PTPRT: variants seen among roughly 807,000 people sequenced by gnomAD.
PTPRT encodes the protein protein tyrosine phosphatase receptor type T, also known as receptor-type tyrosine-protein phosphatase T.
PTPRT carries 56 observed loss-of-function variants against 176.8 expected under a neutral mutation model. The observed-to-expected ratio is 0.32, with a 90% CI of 0.26 to 0.40. PTPRT has a LOEUF of 0.40. PTPRT is among the 10% of genes least tolerant of loss of function. The probability of loss-of-function intolerance (pLI) is 1.00; values close to 1 mark genes in which losing one functional copy is unlikely to be tolerated. For synonymous variants in PTPRT, 783 were observed against 739.0 expected (o/e 1.06, Z -0.96); for missense variants, 1,540 against 1,908.2 (o/e 0.81, Z 3.60).
intron 6 of PTPRT, among the ~76,000 whole-genome samples, chr20:42,743,322 C>T (rs1472030563): frequency 2.0e-5 from 3 of 152,152 alleles, no homozygotes; most frequent in Non-Finnish European, 4.4e-5. Context: ...TCCTAGCCTC[C>T]TTTTCTACCA....
chr20:42,640,056 G>T (rs2074705597), intron 7 of PTPRT, among the ~76,000 whole-genome samples: 1 of 152,034 alleles, frequency 6.6e-6, no homozygotes. Flanking sequence ...CTACACAGAT[G>T]GAGTTCATTC....
At chr20:42,628,803 C>T (rs2074346264) in intron 7 of PTPRT, among the ~76,000 whole-genome samples, 1 of 152,080 alleles carries the variant, frequency 6.6e-6, no homozygotes. Flanking sequence ...CATATCCATG[C>T]CCATTTGTTT....
At chr20:42,645,202 G>A (rs1348748603) in intron 7 of PTPRT, among the ~76,000 whole-genome samples, 1 of 152,152 alleles carries the variant, frequency 6.6e-6, no homozygotes, top group Non-Finnish European at 1.5e-5. Context: ...GCAGCCTGGA[G>A]GTCACAGGCA....
At chr20:42,207,062 C>T (rs1300822713) in intron 15 of PTPRT, among the ~76,000 whole-genome samples, 1 of 152,130 alleles carries the variant, frequency 6.6e-6, no homozygotes, top group Non-Finnish European at 1.5e-5. Flanking sequence ...GGTATTCCAA[C>T]AGACCTGCAG....
chr20:42,790,551 T>TTGTCCCTGCAGGCTGATCTCCC (rs1397612676), intron 3 of PTPRT, among the ~76,000 whole-genome samples: 2 of 152,208 alleles, frequency 1.3e-5, no homozygotes, highest in Non-Finnish European at 2.9e-5. Context: ...CATGATCTGC[T>TTGTCCCTGCAGGCTGATCTCCC]TGTCCCTGCA....
chr20:42,772,289 C>G (rs2077074149), intron 4 of PTPRT, among the ~76,000 whole-genome samples: 1 of 152,160 alleles, frequency 6.6e-6, no homozygotes, highest in Non-Finnish European at 1.5e-5. Context: ...GTTATTTTCT[C>G]TATTACACAG....
chr20:43,083,321 T>TGTATATATATATATATATGTATATAC lies in PTPRT; in HGVS notation c.88+106324_88+106325insGTATATACATATATATATATATATAC, dbSNP rs1491174501. Among the ~76,000 whole-genome samples the TGTATATATATATATATATGTATATAC allele has an allele frequency of 3.7e-3, 42 of 11,422 alleles. 5 individuals are homozygous for TGTATATATATATATATATGTATATAC. Among genetic ancestry groups the TGTATATATATATATATATGTATATAC allele is most frequent in the Non-Finnish European group, 4.9e-3 (32 of 6,518 alleles). The allele number at this position is 11,422 out of a possible 152,430, so 7.5% of individuals were successfully genotyped here. Reference sequence around the variant, plus strand: ...CCATAAGATTCACCCACTTCAAATGTATATATATATATATATATATATATA... The same window carrying TGTATATATATATATATATGTATATAC: ...CCATAAGATTCACCCACTTCAAATGTGTATATATATATATATATGTATATACATATATATATATATATATATATATA... On this transcript the variant is annotated intron_variant, in intron 1 of 30. Coordinates refer to ENST00000373187, the MANE Select transcript of PTPRT (RefSeq NM_007050.6).
intron 12 of PTPRT, among the ~76,000 whole-genome samples, chr20:42,313,431 C>G (rs1267427630): frequency 6.6e-6 from 1 of 152,040 alleles, no homozygotes; most frequent in Admixed American, 6.6e-5. Flanking sequence ...GACCCCTTTC[C>G]TGTAACAAAA....
chr20:42,518,888 GTATTT>G (rs2072118327), intron 7 of PTPRT, among the ~76,000 whole-genome samples: 1 of 152,110 alleles, frequency 6.6e-6, no homozygotes, highest in Non-Finnish European at 1.5e-5. Flanking sequence ...TTAATGTACA[GTATTT>G]TATTTATTTT....
intron 1 of PTPRT, among the ~76,000 whole-genome samples, chr20:43,067,301 G>A (rs550912915): frequency 2.0e-5 from 3 of 152,256 alleles, no homozygotes; most frequent in Middle Eastern, 3.4e-3. Context: ...GCAGACGGGT[G>A]GTTGCCAGGG....
intron 7 of PTPRT, chr20:42,606,866 G>C (rs1375607319): frequency 2.6e-5 from 4 of 152,180 alleles, no homozygotes; most frequent in Non-Finnish European, 4.4e-5. Context: ...TGAACTACAA[G>C]TGGCACTGAG....
intron 7 of PTPRT, among the ~76,000 whole-genome samples, chr20:42,587,943 G>T (rs927437650): frequency 6.6e-6 from 1 of 152,216 alleles, no homozygotes; most frequent in African/African-American, 2.4e-5. Context: ...TTTATAAAAT[G>T]GGCACAAAAT....
At chr20:42,236,311 GAA>G in intron 14 of PTPRT, 53 bp from the exon 15 acceptor site, 2 of 1,384,092 alleles carry the variant, frequency 1.4e-6, no homozygotes. Context: ...GGGGGAAAAA[GAA>G]AAGACAAACA....
chr20:42,362,231 C>A (rs775126889), intron 9 of PTPRT, among the ~76,000 whole-genome samples: 7 of 152,120 alleles, frequency 4.6e-5, no homozygotes, highest in Non-Finnish European at 1.0e-4. Context: ...TGGTCCACTG[C>A]ACTCCAGCTT....
At chr20:42,082,342 C>T (rs1983413767) in intron 29 of PTPRT, among the ~76,000 whole-genome samples, 1 of 152,208 alleles carries the variant, frequency 6.6e-6, no homozygotes, top group Non-Finnish European at 1.5e-5. Context: ...TCACTCAGGG[C>T]ACACTCACCC....
intron 6 of PTPRT, among the ~76,000 whole-genome samples, chr20:42,708,090 T>C (rs1031547793): frequency 6.6e-6 from 1 of 152,156 alleles, no homozygotes; most frequent in Non-Finnish European, 1.5e-5. Flanking sequence ...GCAAAATATG[T>C]GTAATATAGC....
rs76001970 is a variant in PTPRT, at chr20:42,699,401, A to C, written c.860-21242T>G. 2.3e-3 allele frequency among the ~76,000 whole-genome samples: 354 copies of C among 152,288 alleles called. 1 individual carries two copies. The highest frequency in any genetic ancestry group is 5.5e-3 in the Admixed American group (84 of 15,292). On this transcript the variant is annotated intron_variant, in intron 6 of 30. Coordinates refer to ENST00000373187, the MANE Select transcript of PTPRT (RefSeq NM_007050.6). ...CCTGACATGTTCCAAAGTGCAGTACATGAGATTAAATAAGGTGCACACTCA... is the reference window on the plus strand; with the variant it reads ...CCTGACATGTTCCAAAGTGCAGTACCTGAGATTAAATAAGGTGCACACTCA...
chr20:42,948,903 T>C (rs1260128557), intron 1 of PTPRT, among the ~76,000 whole-genome samples: 3 of 152,230 alleles, frequency 2.0e-5, no homozygotes, highest in Admixed American at 1.3e-4. Context: ...GACATTTTTA[T>C]GACCTCTGCC....
At position 42,851,974 on chromosome 20, in the gene PTPRT, T is replaced by C. The variant is rs560499526; in HGVS notation, c.214+33833A>G. ...AAGTCTACCATTATCACATAGTAAG[T>C]ATTTACATAGACACAAATCATTTTC... On this transcript the variant is annotated intron_variant, in intron 2 of 30. Transcript: ENST00000373187. 7.9e-5 allele frequency among the ~76,000 whole-genome samples: 12 copies of C among 152,356 alleles called. No homozygotes were observed. The East Asian group carries it at 1.7e-3, about 22-fold the overall frequency.
Sources: gnomAD v4.1 joint callset for allele counts (sites outside exome capture counted in the v4.1 genomes callset) on GRCh38, gnomAD v4.1.1 for gene constraint, MANE v1.5 for transcripts, NCBI Gene and HGNC (gene_info 2026-07-23, HGNC 2026-07-21) for gene names.